FGD3: variants seen among roughly 807,000 people sequenced by gnomAD.
The protein encoded by FGD3 is FYVE, RhoGEF and PH domain containing 3.
A neutral mutation model predicts 71.8 loss-of-function variants in FGD3; 45 were observed. That is an observed-to-expected ratio of 0.63 (90% confidence interval 0.49 to 0.80). The LOEUF is 0.80. Ranked by LOEUF, FGD3 falls within the 30% of genes least tolerant of loss-of-function variation. The pLI is 0.00. For missense variants in FGD3, 844 were observed against 951.5 expected (o/e 0.89, Z 1.49); for synonymous variants, 378 against 392.8 (o/e 0.96, Z 0.44).
At chr9:93,024,487 GC>G (rs1862047602) in intron 14 of FGD3, among the ~76,000 whole-genome samples, 1 of 152,268 alleles carries the variant, frequency 6.6e-6, no homozygotes, top group Non-Finnish European at 1.5e-5. Context: ...TCCATGTCCA[GC>G]CCCGGGCCCT....
At chr9:93,033,438 C>G (rs923423093) in intron 16 of FGD3, 1 of 170,434 alleles carries the variant, frequency 5.9e-6, no homozygotes, top group African/African-American at 2.4e-5. Flanking sequence ...TTCTCCTCCC[C>G]GTACCCTTTT....
rs1220766079 is a variant in FGD3, at chr9:92,969,975, T to G, written c.-217-5263T>G. ...GTCTGGGACCTGTTCCCTGGCTGAG[T>G]CCACAGTGGGCACGGCTCATCTGGG... On this transcript the variant is annotated intron_variant, in intron 1 of 17. Coordinates refer to ENST00000375482, the MANE Select transcript of FGD3 (RefSeq NM_001083536.2). The surrounding 1 kb of genome is among the most constrained non-coding windows in gnomAD (Gnocchi z 4.5). 2.6e-5 allele frequency among the ~76,000 whole-genome samples: 4 copies of G among 152,098 alleles called. No individual in the cohort carries two copies. The highest frequency in any genetic ancestry group is 5.9e-5 in the Non-Finnish European group (4 of 67,990).
chr9:92,977,394 G>C (rs923187253), intron 3 of FGD3, among the ~76,000 whole-genome samples: 1 of 152,166 alleles, frequency 6.6e-6, no homozygotes, highest in African/African-American at 2.4e-5. Flanking sequence ...CTGTGGGTAT[G>C]GGGGGCACAG....
At chr9:92,953,141 G>A (rs998185421) in intron 1 of FGD3, among the ~76,000 whole-genome samples, 3 of 152,200 alleles carry the variant, frequency 2.0e-5, no homozygotes, top group Admixed American at 6.5e-5. Context: ...GGGCCTGATT[G>A]AGTGGGGGCG....
In FGD3 at chr9:93,004,197, T is replaced by C. The variant is rs1860964214; in HGVS notation, c.680+60T>C. Reference sequence around the variant, plus strand: ...CAAGTGTTCTCTAGACCAGGGTTCATGTGCCTGAGAGCGAGGCAAGTGCTG... The same window carrying C: ...CAAGTGTTCTCTAGACCAGGGTTCACGTGCCTGAGAGCGAGGCAAGTGCTG... On this transcript the variant is annotated intron_variant, in intron 5 of 17. Transcript: ENST00000375482. The C allele has an allele frequency of 2.3e-5, 36 of 1,597,256 alleles. 1 individual carries two copies. The Admixed American group carries it at 2.3e-4, about 10-fold the overall frequency.
intron 16 of FGD3, 164 bp downstream of exon 16, chr9:93,033,037 C>T (rs761468347): frequency 3.2e-5 from 23 of 715,410 alleles, no homozygotes; most frequent in South Asian, 7.4e-5. Flanking sequence ...GGAACACACT[C>T]GGAAGATCCC....
chr9:92,966,299 G>A (rs1047232061), intron 1 of FGD3, among the ~76,000 whole-genome samples: 16 of 152,168 alleles, frequency 1.1e-4, no homozygotes, highest in African/African-American at 3.6e-4. Flanking sequence ...GGGACAAGCT[G>A]CCTGCTGCCT....
Position 92,976,234 on chromosome 9 carries a change from G to C in FGD3, c.-23G>C. 1 of 1,530,986 alleles carries C rather than the reference G, an allele frequency of 6.5e-7. No individual in the cohort carries two copies. Among genetic ancestry groups the C allele is most frequent in the Non-Finnish European group, 8.8e-7 (1 of 1,134,852 alleles). The allele number at this position is 1,530,986 out of a possible 1,614,324, so 94.8% of individuals were successfully genotyped here. A position where few individuals can be genotyped will look rare whatever the true frequency, so the allele number is the denominator to read the frequency against. ...AAGCCCCTGGCCAGCCTCCACCTGA[G>C]CCCAGTGAGCTCAGCTTTAAGGATG... On this transcript the variant is annotated 5_prime_UTR_variant, in exon 3 of 18. Transcript: ENST00000375482.
At chr9:93,013,152 C>CT (rs1861506686) in intron 8 of FGD3, among the ~76,000 whole-genome samples, 1 of 152,224 alleles carries the variant, frequency 6.6e-6, no homozygotes, top group Non-Finnish European at 1.5e-5. Context: ...CTGCTGGCTC[C>CT]TCTGGTGCCC....
At chr9:93,030,056 G>A (rs1862297980) in intron 15 of FGD3, 60 bp downstream of exon 15, 2 of 1,581,338 alleles carry the variant, frequency 1.3e-6, no homozygotes, top group Non-Finnish European at 1.7e-6. Flanking sequence ...CTCTGACAGA[G>A]CAGCTGAGTC....
At chr9:93,015,619 T>C in intron 9 of FGD3, 118 bp from the exon 10 acceptor site, 1 of 642,598 alleles carries the variant, frequency 1.6e-6, no homozygotes, top group African/African-American at 1.8e-5. Flanking sequence ...TTTAAAAATA[T>C]TTTTCACTTT....
At position 93,022,388 on chromosome 9, in the gene FGD3, G is replaced by T; in HGVS notation, c.1556G>T (p.Gly519Val). ...VTTEGSSGAA[G>V]LEPRKLSSKT... Reference sequence around the variant, plus strand: ...ACCGAAGGCAGTTCGGGTGCAGCAGGGGTAAGTGCCCCATGCTCAGCGGTC... The same window carrying T: ...ACCGAAGGCAGTTCGGGTGCAGCAGTGGTAAGTGCCCCATGCTCAGCGGTC... Residue 519 changes from glycine (G) to valine (V), a missense_variant and splice_region_variant, in exon 14 of 18, where the codon GGG becomes GTG. Transcript: ENST00000375482. 6.2e-7 allele frequency: 1 copy of T among 1,612,384 alleles called. No homozygotes were observed. Among genetic ancestry groups the T allele is most frequent in the Non-Finnish European group, 8.5e-7 (1 of 1,179,294 alleles).
At chr9:92,949,833 C>A (rs780974857) in intron 1 of FGD3, among the ~76,000 whole-genome samples, 1 of 152,180 alleles carries the variant, frequency 6.6e-6, no homozygotes, top group Non-Finnish European at 1.5e-5. Flanking sequence ...CCCACCACAA[C>A]CCTCTGAGGA....
In FGD3 at chr9:93,011,228, A is replaced by T; in HGVS notation, c.991A>T (p.Ile331Phe). Residue 331 changes from isoleucine to phenylalanine, a missense_variant, in exon 8 of 18, where the codon ATC becomes TTC. Transcript: ENST00000375482. ...RKDAERSLEL[I>F]STAANHSNAA... is the part of the protein sequence containing the mutation. Reference sequence around the variant, plus strand: ...TCTTCCTGCAGGGTCCTTGGAGCTCATCTCCACAGCCGCCAACCACTCCAA... The same window carrying T: ...TCTTCCTGCAGGGTCCTTGGAGCTCTTCTCCACAGCCGCCAACCACTCCAA... The T allele has an allele frequency of 6.2e-7, 1 of 1,614,124 alleles. No homozygotes were observed. The highest frequency in any genetic ancestry group is 8.5e-7 in the Non-Finnish European group (1 of 1,179,972).
At chr9:93,001,427 C>G (rs1860854679) in intron 3 of FGD3, among the ~76,000 whole-genome samples, 1 of 152,136 alleles carries the variant, frequency 6.6e-6, no homozygotes, top group South Asian at 2.1e-4. Flanking sequence ...ATTAAAAGAG[C>G]CCCAGTACCT....
In FGD3 at chr9:93,029,994, G is replaced by T. The variant is rs769412529; in HGVS notation, c.1678G>T (p.Ala560Ser). Reference protein sequence around the residue: ...KRRHHCKLCGAVICGKCSEFK... With the variant: ...KRRHHCKLCGSVICGKCSEFK... ...GAGGCATCACTGCAAGCTGTGTGGG[G>T]CGGTGAGTCCCGGGAGAGGGGGACA... The change falls in exon 15 of 18, where the codon GCG becomes TCG. Residue 560 changes from alanine to serine, a missense_variant and splice_region_variant. By Grantham distance (99) the Ala-to-Ser change is moderately conservative (BLOSUM62 1). Coordinates refer to ENST00000375482, the MANE Select transcript of FGD3 (RefSeq NM_001083536.2). 15 of 1,612,028 alleles carry T rather than the reference G, an allele frequency of 9.3e-6. No homozygotes were observed. The African/African-American group carries it at 1.7e-4, about 19-fold the overall frequency.
chr9:92,967,030 C>T (rs531197373), intron 1 of FGD3, among the ~76,000 whole-genome samples: 1 of 150,696 alleles, frequency 6.6e-6, no homozygotes, highest in South Asian at 2.1e-4. Context: ...GGAGCCATCT[C>T]GGTTCACTGC....
chr9:93,020,343 C>G lies in FGD3; in HGVS notation c.1413C>G (p.His471Gln). Reference protein sequence around the residue: ...IQIIQATIEKHKQNSETFKAF... With the variant: ...IQIIQATIEKQKQNSETFKAF... Reference sequence around the variant, plus strand: ...TCATCCAGGCCACCATCGAGAAGCACAAACAGAACAGCGAAACCTTCAAGG... The same window carrying G: ...TCATCCAGGCCACCATCGAGAAGCAGAAACAGAACAGCGAAACCTTCAAGG... Residue 471 changes from histidine to glutamine, a missense_variant, in exon 13 of 18, where the codon CAC (histidine) becomes CAG (glutamine). Physicochemically the swap from His to Gln is conservative, Grantham distance 24. Transcript: ENST00000375482. 1 of 1,613,464 alleles carries G rather than the reference C, an allele frequency of 6.2e-7. No individual in the cohort carries two copies. The highest frequency in any genetic ancestry group is 2.2e-5 in the East Asian group (1 of 44,876).
intron 1 of FGD3, among the ~76,000 whole-genome samples, chr9:92,948,260 C>T (rs1564136945): frequency 6.6e-6 from 1 of 152,122 alleles, no homozygotes; most frequent in Non-Finnish European, 1.5e-5. Flanking sequence ...ATTCTTGCCA[C>T]TCGGCATTTC....
Sources: gnomAD v4.1 joint callset for allele counts (sites outside exome capture counted in the v4.1 genomes callset) on GRCh38, gnomAD v4.1.1 for gene constraint, Gnocchi (gnomAD v3.1) non-coding constraint, MANE v1.5 for transcripts, NCBI Gene and HGNC (gene_info 2026-07-23, HGNC 2026-07-21) for gene names.